The following MYOZ2 variants were observed in gnomAD, a reference collection of about 807,000 sequenced individuals.
MYOZ2 encodes the protein myozenin 2, also known as myozenin-2.
Under a neutral mutation model 25.4 loss-of-function variants are expected in MYOZ2, and 19 were observed. The observed-to-expected ratio is 0.75, with a 90% CI of 0.52 to 1.10. The LOEUF (loss-of-function observed/expected upper bound fraction) is 1.10. Ranked by LOEUF, MYOZ2 falls within the 50% of genes least tolerant of loss-of-function variation. MYOZ2 has a pLI of 0.00. For synonymous variants in MYOZ2, 92 were observed against 106.9 expected, an observed-to-expected ratio of 0.86 and a Z score of 0.86; for missense variants, 270 against 317.9, an observed-to-expected ratio of 0.85 and a Z score of 1.15.
intron 2 of MYOZ2, among the ~76,000 whole-genome samples, chr4:119,136,936 G>A (rs1196882863): frequency 1.3e-5 from 2 of 151,706 alleles, no homozygotes; most frequent in Non-Finnish European, 2.9e-5. Flanking sequence ...ATACAATCTT[G>A]TCTTTATTGT....
intron 3 of MYOZ2, 79 bp from the exon 4 acceptor site, chr4:119,157,943 G>C: frequency 6.6e-7 from 1 of 1,505,658 alleles, no homozygotes; most frequent in Admixed American, 1.7e-5. Context: ...ATATACAATT[G>C]AAGTTTTGCA....
chr4:119,145,072 T>C (rs1741254819), intron 2 of MYOZ2, among the ~76,000 whole-genome samples: 1 of 152,154 alleles, frequency 6.6e-6, no homozygotes, highest in Non-Finnish European at 1.5e-5. Context: ...CCCATTAACA[T>C]GGTGAATCTT....
At chr4:119,137,123 T>C (rs1341736868) in intron 2 of MYOZ2, among the ~76,000 whole-genome samples, 1 of 152,198 alleles carries the variant, frequency 6.6e-6, no homozygotes, top group Non-Finnish European at 1.5e-5. Flanking sequence ...ATTGATTTAC[T>C]AACATATTTT....
intron 3 of MYOZ2, among the ~76,000 whole-genome samples, chr4:119,152,197 A>AGAATCAATCT (rs760956680): frequency 1.3e-5 from 2 of 151,976 alleles, no homozygotes; most frequent in Admixed American, 1.3e-4. Flanking sequence ...TATAGTATTT[A>AGAATCAATCT]TACTTGTGAA....
Position 119,159,307 on chromosome 4 carries a change from T to C in MYOZ2, c.376+1156T>C, listed in dbSNP as rs543424734. Among the ~76,000 whole-genome samples, 4 of 152,162 alleles carry C rather than the reference T, an allele frequency of 2.6e-5. No individual in the cohort carries two copies. In the South Asian group the frequency reaches 8.3e-4, roughly 32 times the overall value. ...AAAACAAAAAAGAATTAAGCCCAGA[T>C]CTGGTACCAAATTTACAACTGCCTC... On this transcript the variant is annotated intron_variant, in intron 4 of 5. Transcript: ENST00000307128.
chr4:119,172,434 G>A (rs1741965908), intron 5 of MYOZ2, among the ~76,000 whole-genome samples: 1 of 152,204 alleles, frequency 6.6e-6, no homozygotes, highest in Non-Finnish European at 1.5e-5. Flanking sequence ...AAATCAGAGT[G>A]AGTCGAAGCT....
Position 119,183,761 on chromosome 4 carries a change from G to C in MYOZ2, c.561-2205G>C, listed in dbSNP as rs186346753. On this transcript the variant is annotated intron_variant, in intron 5 of 5. Coordinates refer to ENST00000307128, the MANE Select transcript of MYOZ2 (RefSeq NM_016599.5). ...TTTACATAAAACACCTGAAATACAAGTCATCATTTCTTGCTTGAGTTACTG... is the reference window on the plus strand; with the variant it reads ...TTTACATAAAACACCTGAAATACAACTCATCATTTCTTGCTTGAGTTACTG... 9.9e-5 allele frequency among the ~76,000 whole-genome samples: 15 copies of C among 151,084 alleles called. No homozygotes were observed. In the East Asian group the frequency reaches 2.7e-3, roughly 27 times the overall value.
intron 5 of MYOZ2, among the ~76,000 whole-genome samples, chr4:119,184,408 G>A (rs1015192360): frequency 1.3e-5 from 2 of 152,202 alleles, no homozygotes; most frequent in African/African-American, 4.8e-5. Context: ...TCTACTGGAA[G>A]TGCTGATGTA....
Position 119,164,281 on chromosome 4 carries a change from A to T in MYOZ2, c.447A>T (p.Gln149His), listed in dbSNP as rs200077093. Residue 149 changes from glutamine (Q) to histidine (H), a missense_variant, in exon 5 of 6, where the codon CAA (glutamine) becomes CAT (histidine). Transcript: ENST00000307128. The part of the protein sequence containing the change: ...FNTTAVPKYY[Q>H]SPWEQAISND... ...CCACAGCTGTCCCTAAGTACTATCA[A>T]TCTCCCTGGGAACAAGCCATTAGCA... 2.0e-5 allele frequency: 33 copies of T among 1,613,944 alleles called. No individual in the cohort carries two copies. Among genetic ancestry groups the T allele is most frequent in the Non-Finnish European group, 2.6e-5 (31 of 1,179,950 alleles).
intron 4 of MYOZ2, among the ~76,000 whole-genome samples, chr4:119,160,684 A>G (rs1015863240): frequency 6.6e-6 from 1 of 151,988 alleles, no homozygotes. Context: ...TATTCAACAC[A>G]CTTTTCTGTA....
chr4:119,141,425 C>T (rs1741156300), intron 2 of MYOZ2, among the ~76,000 whole-genome samples: 1 of 152,100 alleles, frequency 6.6e-6, no homozygotes, highest in African/African-American at 2.4e-5. Context: ...CTCTGTTGCC[C>T]AGGCTGGAGT....
In MYOZ2 at chr4:119,186,136, T is replaced by C; in HGVS notation, c.731T>C (p.Ile244Thr). The change falls in exon 6 of 6, where the codon ATT becomes ACT. Residue 244 changes from isoleucine (I) to threonine (T), a missense_variant. Transcript: ENST00000307128. ...CCTAAGGGATGGATATCTGAGAATA[T>C]TCCTATAGTGATAACAACCGAACCT... The part of the protein sequence containing the change: ...RTPKGWISEN[I>T]PIVITTEPTD... 1.2e-6 allele frequency: 2 copies of C among 1,614,024 alleles called. No homozygotes were observed. The highest frequency in any genetic ancestry group is 1.7e-5 in the Admixed American group (1 of 60,014).
intron 4 of MYOZ2, 126 bp downstream of exon 4, chr4:119,158,277 G>A: frequency 7.5e-7 from 1 of 1,330,096 alleles, no homozygotes; most frequent in East Asian, 2.6e-5. Context: ...GTATGTTTTT[G>A]GGCCCCAGGC....
intron 4 of MYOZ2, among the ~76,000 whole-genome samples, chr4:119,162,007 G>GAAATA (rs1201714839): frequency 1.3e-5 from 2 of 152,114 alleles, no homozygotes; most frequent in Non-Finnish European, 2.9e-5. Context: ...AAAGGAATAG[G>GAAATA]AAATAAAATG....
intron 5 of MYOZ2, among the ~76,000 whole-genome samples, chr4:119,182,310 A>G (rs1036996719): frequency 6.6e-6 from 1 of 152,188 alleles, no homozygotes; most frequent in East Asian, 1.9e-4. Flanking sequence ...GCTTTACTCT[A>G]CTTCCAGCAG....
chr4:119,137,410 G>C (rs1741054554), intron 2 of MYOZ2, among the ~76,000 whole-genome samples: 1 of 152,084 alleles, frequency 6.6e-6, no homozygotes, highest in African/African-American at 2.4e-5. Flanking sequence ...GAGCTGATTT[G>C]AGCCATTCCA....
Position 119,181,786 on chromosome 4 carries a change from C to T in MYOZ2, c.561-4180C>T, listed in dbSNP as rs572153483. Among the ~76,000 whole-genome samples the T allele has an allele frequency of 1.1e-4, 16 of 152,066 alleles. No individual in the cohort carries two copies. In the East Asian group the frequency reaches 3.1e-3, roughly 29 times the overall value. On this transcript the variant is annotated intron_variant, in intron 5 of 5. Transcript: ENST00000307128. ...AATACATACAGAAAAGAATGAACAACTATAAGTTACATACATGAAAAAAAG... is the reference window on the plus strand; with the variant it reads ...AATACATACAGAAAAGAATGAACAATTATAAGTTACATACATGAAAAAAAG...
At chr4:119,158,936 T>A (rs557139385) in intron 4 of MYOZ2, among the ~76,000 whole-genome samples, 1 of 152,270 alleles carries the variant, frequency 6.6e-6, no homozygotes, top group East Asian at 1.9e-4. Context: ...TAATTGTACA[T>A]TTTACAATAA....
At chr4:119,174,060 A>G (rs1742000928) in intron 5 of MYOZ2, among the ~76,000 whole-genome samples, 1 of 152,168 alleles carries the variant, frequency 6.6e-6, no homozygotes, top group South Asian at 2.1e-4. Flanking sequence ...GCCATGCCTG[A>G]GCCTCCCACC....
Sources: gnomAD v4.1 joint callset for allele counts (sites outside exome capture counted in the v4.1 genomes callset) on GRCh38, gnomAD v4.1.1 for gene constraint, MANE v1.5 for transcripts, NCBI Gene and HGNC (gene_info 2026-07-23, HGNC 2026-07-21) for gene names.